Variants in ADGRL4 observed in about 807,000 individuals in gnomAD.
The protein encoded by ADGRL4 is adhesion G protein-coupled receptor L4, also known as EGF, latrophilin and seven transmembrane domain containing 1.
Under a neutral mutation model 74.8 loss-of-function variants are expected in ADGRL4, and 90 were observed. The ratio of observed to expected loss-of-function variants is 1.20; its 90% CI spans 1.02 to 1.43. The LOEUF is 1.43. Among genes scored for constraint, ADGRL4 ranks in the 40% most tolerant of loss-of-function variants. The pLI is 0.00. For missense variants in ADGRL4, 881 were observed against 814.3 expected (o/e 1.08, Z -1.00); for synonymous variants, 311 against 279.2 (o/e 1.11, Z -1.14).
intron 12 of ADGRL4, among the ~76,000 whole-genome samples, chr1:78,899,014 A>T (rs1322457267): frequency 6.6e-6 from 1 of 152,128 alleles, no homozygotes; most frequent in Non-Finnish European, 1.5e-5. Flanking sequence ...CCAATCAGTC[A>T]TTTTTCTTTT....
intron 4 of ADGRL4, among the ~76,000 whole-genome samples, chr1:78,938,959 T>A (rs999527977): frequency 3.3e-5 from 5 of 152,078 alleles, no homozygotes; most frequent in Non-Finnish European, 7.4e-5. Flanking sequence ...TATGGAGTAA[T>A]GAAAATGTAG....
chr1:78,984,620 GA>G (rs1650458730), intron 2 of ADGRL4, among the ~76,000 whole-genome samples: 1 of 151,526 alleles, frequency 6.6e-6, no homozygotes, highest in Non-Finnish European at 1.5e-5. Flanking sequence ...CCAAGTGTAG[GA>G]GGAACAGTAA....
chr1:78,940,449 C>T (rs1649452632), intron 3 of ADGRL4, among the ~76,000 whole-genome samples: 1 of 152,018 alleles, frequency 6.6e-6, no homozygotes, highest in Non-Finnish European at 1.5e-5. Context: ...AATAAAGGTG[C>T]TGGGTTTTAA....
chr1:78,970,690 T>C (rs1422977467), intron 2 of ADGRL4, among the ~76,000 whole-genome samples: 3 of 152,186 alleles, frequency 2.0e-5, no homozygotes, highest in Admixed American at 1.3e-4. Context: ...CTGTACCACT[T>C]TTGAATGCAC....
At chr1:78,952,906 C>G (rs1388170857) in intron 2 of ADGRL4, among the ~76,000 whole-genome samples, 3 of 151,636 alleles carry the variant, frequency 2.0e-5, no homozygotes, top group Admixed American at 6.6e-5. Flanking sequence ...ATGTATAAGC[C>G]AGGAAAAAAA....
rs1650592439 is a variant in ADGRL4 at position 78,990,783 on chromosome 1, A to G, written c.172+14287T>C. ...CTGCTTGCCTTTCTGCATTGTGTAT[A>G]CAACAGAGATTTGTTGTACTTTTAA... On this transcript the variant is annotated intron_variant, in intron 2 of 14. Transcript: ENST00000370742. Among the ~76,000 whole-genome samples the G allele has an allele frequency of 1.3e-5, 2 of 151,990 alleles. 1 individual carries two copies. Among genetic ancestry groups the G allele is most frequent in the African/African-American group, 4.8e-5 (2 of 41,454 alleles).
intron 2 of ADGRL4, among the ~76,000 whole-genome samples, chr1:79,001,560 T>C (rs1416485993): frequency 1.3e-5 from 2 of 152,178 alleles, no homozygotes; most frequent in African/African-American, 4.8e-5. Context: ...AAGATACATA[T>C]TTATACAATT....
chr1:78,970,729 A>C (rs1020588330), intron 2 of ADGRL4, among the ~76,000 whole-genome samples: 2 of 151,974 alleles, frequency 1.3e-5, no homozygotes, highest in African/African-American at 2.4e-5. Flanking sequence ...CATTGAAAAA[A>C]TCTCTTTGTT....
chr1:78,987,996 A>AT (rs35846815), intron 2 of ADGRL4, among the ~76,000 whole-genome samples: 78,243 of 151,048 alleles, frequency 0.52, 20,522 homozygotes, highest in Middle Eastern at 0.59. Flanking sequence ...TAGCCACTGC[A>AT]TTTTTTTTGT....
chr1:78,975,742 T>C (rs932285523), intron 2 of ADGRL4, among the ~76,000 whole-genome samples: 1 of 151,800 alleles, frequency 6.6e-6, no homozygotes, highest in Non-Finnish European at 1.5e-5. Flanking sequence ...TATTATTATA[T>C]ATATTTCATA....
chr1:78,943,050 A>T (rs1194475608), intron 3 of ADGRL4, among the ~76,000 whole-genome samples: 4 of 152,160 alleles, frequency 2.6e-5, no homozygotes, highest in African/African-American at 7.2e-5. Context: ...GATGGTTATG[A>T]TTCTTATAAT....
At chr1:78,960,266 GA>G (rs1649923425) in intron 2 of ADGRL4, among the ~76,000 whole-genome samples, 4 of 151,954 alleles carry the variant, frequency 2.6e-5, no homozygotes, top group African/African-American at 9.7e-5. Flanking sequence ...AAACTAGTCC[GA>G]TTTTAAAACC....
intron 12 of ADGRL4, among the ~76,000 whole-genome samples, chr1:78,894,814 T>G (rs371637729): frequency 2.2e-4 from 34 of 151,910 alleles, no homozygotes; most frequent in African/African-American, 8.0e-4. Context: ...ATAAAGTAAA[T>G]GACGAGAAAA....
intron 2 of ADGRL4, among the ~76,000 whole-genome samples, chr1:78,984,596 T>A (rs1183477016): frequency 6.6e-6 from 1 of 151,714 alleles, no homozygotes; most frequent in Non-Finnish European, 1.5e-5. Flanking sequence ...AAATAGTGTG[T>A]CGAAACAAGT....
chr1:78,998,362 CTTTTTTTTTTTTTT>C (rs71078519), intron 2 of ADGRL4, among the ~76,000 whole-genome samples: 4 of 65,050 alleles, frequency 6.1e-5, no homozygotes, highest in South Asian at 6.3e-4. Flanking sequence ...TCCACTGATT[CTTTTTTTTTTTTTT>C]TTTTTTTTTT....
chr1:78,989,094 A>G (rs1570274375), intron 2 of ADGRL4, among the ~76,000 whole-genome samples: 1 of 151,940 alleles, frequency 6.6e-6, no homozygotes, highest in South Asian at 2.1e-4. Flanking sequence ...TATAATATAG[A>G]CACTTATTCA....
chr1:78,903,658 G>A (rs550367528), intron 12 of ADGRL4, among the ~76,000 whole-genome samples: 30 of 152,112 alleles, frequency 2.0e-4, no homozygotes, highest in African/African-American at 5.8e-4. Flanking sequence ...ACTATTGGCC[G>A]GGCGCGGTGG....
chr1:78,925,170 A>G (rs546670456), intron 8 of ADGRL4, among the ~76,000 whole-genome samples: 1 of 152,164 alleles, frequency 6.6e-6, no homozygotes, highest in South Asian at 2.1e-4. Context: ...GGAGTATCAT[A>G]GCTTCTGAGA....
chr1:78,991,707 A>G (rs1240382249), intron 2 of ADGRL4, among the ~76,000 whole-genome samples: 1 of 151,974 alleles, frequency 6.6e-6, no homozygotes, highest in Non-Finnish European at 1.5e-5. Context: ...TTCACCTTCA[A>G]TATAGTCAAC....
Sources: gnomAD v4.1 joint callset for allele counts (sites outside exome capture counted in the v4.1 genomes callset) on GRCh38, gnomAD v4.1.1 for gene constraint, MANE v1.5 for transcripts, NCBI Gene and HGNC (gene_info 2026-07-23, HGNC 2026-07-21) for gene names.